DYNC1I1: variants seen among roughly 807,000 people sequenced by gnomAD.
DYNC1I1 encodes dynein cytoplasmic 1 intermediate chain 1, also known as cytoplasmic dynein 1 intermediate chain 1.
In DYNC1I1, 43 loss-of-function variants were observed where a neutral mutation model predicts 86.6. That is an observed-to-expected ratio of 0.50 (90% CI 0.39 to 0.64). The LOEUF is 0.64. DYNC1I1 is among the 30% of genes least tolerant of loss of function. The pLI, the probability that DYNC1I1 is intolerant of heterozygous loss-of-function variation, is 0.00. For missense variants in DYNC1I1, 604 were observed against 788.8 expected, an observed-to-expected ratio of 0.77 and a Z score of 2.81; for synonymous variants, 262 against 283.7, an observed-to-expected ratio of 0.92 and a Z score of 0.77.
At chr7:95,974,031 TTCAC>T (rs1291075627) in intron 6 of DYNC1I1, among the ~76,000 whole-genome samples, 2 of 152,210 alleles carry the variant, frequency 1.3e-5, no homozygotes, top group Non-Finnish European at 2.9e-5. Context: ...CTCCAAGGTC[TTCAC>T]ACAACTCACT....
rs190716249 is a variant in DYNC1I1, at chr7:95,782,038, G to T, written c.-10+9265G>T. Among the ~76,000 whole-genome samples the T allele has an allele frequency of 2.6e-5, 4 of 152,310 alleles. No homozygotes were observed. In the East Asian group the frequency reaches 7.7e-4, roughly 29 times the overall value. On this transcript the variant is annotated intron_variant, in intron 1 of 16. Transcript: ENST00000447467. ...TTACATGTCCAGTGTGGGTCAACAAGGGTCTGTGTTCACCATGTTCACTCA... is the reference window on the plus strand; with the variant it reads ...TTACATGTCCAGTGTGGGTCAACAATGGTCTGTGTTCACCATGTTCACTCA...
chr7:95,791,159 A>C (rs1256921925), intron 1 of DYNC1I1, among the ~76,000 whole-genome samples: 5 of 152,192 alleles, frequency 3.3e-5, no homozygotes, highest in Non-Finnish European at 5.9e-5. Context: ...ATTGAAATTA[A>C]AATTATTCCT....
intron 6 of DYNC1I1, among the ~76,000 whole-genome samples, chr7:95,885,294 A>G (rs573920561): frequency 6.6e-6 from 1 of 152,088 alleles, no homozygotes; most frequent in South Asian, 2.1e-4. Context: ...CAGCCTCTCA[A>G]TTAGCTGGGA....
chr7:95,786,578 T>C (rs1794153601), intron 1 of DYNC1I1, among the ~76,000 whole-genome samples: 1 of 152,192 alleles, frequency 6.6e-6, no homozygotes, highest in Non-Finnish European at 1.5e-5. Flanking sequence ...AAAAGACTCA[T>C]TATACCGAAT....
At chr7:95,793,273 G>T (rs1794354471) in intron 1 of DYNC1I1, among the ~76,000 whole-genome samples, 1 of 152,120 alleles carries the variant, frequency 6.6e-6, no homozygotes, top group Admixed American at 6.5e-5. Context: ...CTTGAAAATT[G>T]GTTGTGGGGT....
intron 11 of DYNC1I1, among the ~76,000 whole-genome samples, chr7:96,032,117 T>G (rs1267979448): frequency 6.6e-6 from 1 of 152,166 alleles, no homozygotes; most frequent in Non-Finnish European, 1.5e-5. Flanking sequence ...AGGTACATTG[T>G]GCCAATAATC....
At chr7:96,003,176 C>T (rs528368816) in intron 10 of DYNC1I1, among the ~76,000 whole-genome samples, 12 of 152,304 alleles carry the variant, frequency 7.9e-5, no homozygotes, top group African/African-American at 2.6e-4. Context: ...TAAGGTTATA[C>T]TATGTGTATG....
intron 6 of DYNC1I1, among the ~76,000 whole-genome samples, chr7:95,965,071 C>T (rs2116520966): frequency 6.6e-6 from 1 of 152,264 alleles, no homozygotes; most frequent in African/African-American, 2.4e-5. Flanking sequence ...AGACTCCATG[C>T]AGTAGATGAG....
chr7:96,075,932 C>G, intron 14 of DYNC1I1, 125 bp from the exon 15 acceptor site: 3 of 1,336,184 alleles, frequency 2.2e-6, no homozygotes, highest in Non-Finnish European at 3.0e-6. Flanking sequence ...TTCACCTTCT[C>G]GAGGACTTTC....
rs1384567008 is a variant in DYNC1I1, at chr7:95,867,195, C to G, written c.375-2688C>G. 2.6e-5 allele frequency among the ~76,000 whole-genome samples: 4 copies of G among 152,208 alleles called. No homozygotes were observed. In the East Asian group the frequency reaches 7.7e-4, roughly 29 times the overall value. On this transcript the variant is annotated intron_variant, in intron 5 of 16. Transcript: ENST00000447467. ...ATCTTAAGGAATCTTTAATGTAGGA[C>G]ACTCCTAAATCTGCTTTCTCTGATT...
At chr7:95,867,389 A>G (rs1790041488) in intron 5 of DYNC1I1, among the ~76,000 whole-genome samples, 1 of 152,192 alleles carries the variant, frequency 6.6e-6, no homozygotes, top group African/African-American at 2.4e-5. Context: ...CAGATAAGAA[A>G]CATGAGGCTT....
At chr7:96,014,613 C>T (rs1407053343) in intron 10 of DYNC1I1, among the ~76,000 whole-genome samples, 1 of 152,104 alleles carries the variant, frequency 6.6e-6, no homozygotes, top group African/African-American at 2.4e-5. Flanking sequence ...AAATGGGGCT[C>T]AAAGCACATA....
intron 1 of DYNC1I1, among the ~76,000 whole-genome samples, chr7:95,782,817 G>A (rs774629197): frequency 6.6e-6 from 1 of 152,130 alleles, no homozygotes. Flanking sequence ...CTGGAAAGGG[G>A]ATGGAGTGGG....
At chr7:95,809,213 A>C (rs1333659501) in intron 2 of DYNC1I1, among the ~76,000 whole-genome samples, 2 of 152,188 alleles carry the variant, frequency 1.3e-5, no homozygotes, top group Non-Finnish European at 2.9e-5. Context: ...GCAAAGATGC[A>C]CTTAGTTTAT....
In DYNC1I1 at chr7:95,931,445, G is replaced by A. The variant is rs142045684; in HGVS notation, c.491-46067G>A. Among the ~76,000 whole-genome samples, 555 of 152,236 alleles carry A rather than the reference G, an allele frequency of 3.6e-3. 6 individuals are homozygous for A. Among genetic ancestry groups the A allele is most frequent in the African/African-American group, 0.013 (520 of 41,536 alleles). ...ATTACAGGCGTGAGCCACTGCGCCCGGCCTATGACTACATTTTTAACTTAA... is the reference window on the plus strand; with the variant it reads ...ATTACAGGCGTGAGCCACTGCGCCCAGCCTATGACTACATTTTTAACTTAA... On this transcript the variant is annotated intron_variant, in intron 6 of 16. Transcript: ENST00000447467.
chr7:95,978,671 G>C (rs917296813), intron 7 of DYNC1I1, among the ~76,000 whole-genome samples: 2 of 152,138 alleles, frequency 1.3e-5, no homozygotes, highest in Non-Finnish European at 1.5e-5. Flanking sequence ...TCAGCACTGG[G>C]GTCTTTGTAG....
At chr7:96,075,080 T>C (rs1790290131) in intron 14 of DYNC1I1, among the ~76,000 whole-genome samples, 1 of 152,272 alleles carries the variant, frequency 6.6e-6, no homozygotes, top group Non-Finnish European at 1.5e-5. Flanking sequence ...AAAGCCATTA[T>C]GCAGAAATTA....
downstream of DYNC1I1, among the ~76,000 whole-genome samples, chr7:96,101,744 C>A (rs766589700): frequency 1.6e-4 from 24 of 152,140 alleles, no homozygotes; most frequent in Admixed American, 2.6e-4. Context: ...ATACTTACAT[C>A]AGGTACCTGG....
chr7:95,924,980 A>G (rs1203125355), intron 6 of DYNC1I1, among the ~76,000 whole-genome samples: 1 of 152,188 alleles, frequency 6.6e-6, no homozygotes, highest in Non-Finnish European at 1.5e-5. Context: ...GGAGAATGCA[A>G]TACAACATAG....
Sources: allele counts gnomAD v4.1 joint callset (sites outside exome capture counted in the v4.1 genomes callset), GRCh38; gene constraint gnomAD v4.1.1; transcripts MANE v1.5; gene names NCBI Gene and HGNC (gene_info 2026-07-23, HGNC 2026-07-21).